The following TECPR2 variants were observed in gnomAD, a reference collection of about 807,000 sequenced individuals.
The protein encoded by TECPR2 is tectonin beta-propeller repeat-containing protein 2.
TECPR2 carries 65 observed loss-of-function variants against 138.1 expected under a neutral mutation model. The ratio of observed to expected loss-of-function variants is 0.47; its 90% CI spans 0.39 to 0.58. The LOEUF (loss-of-function observed/expected upper bound fraction) is 0.58, where lower values mean the gene tolerates loss of function less well. Ranked by LOEUF, TECPR2 falls within the 20% of genes least tolerant of loss-of-function variation. TECPR2 has a pLI of 0.00. For synonymous variants in TECPR2, 746 were observed against 749.8 expected, an observed-to-expected ratio of 0.99 and a Z score of 0.08; for missense variants, 1,553 against 1,824.5, an observed-to-expected ratio of 0.85 and a Z score of 2.71.
Position 102,499,474 on chromosome 14 carries a change from G to T in TECPR2, c.*1217G>T, listed in dbSNP as rs1891387125. 3.8e-6 allele frequency: 2 copies of T among 525,430 alleles called. No individual in the cohort carries two copies. Among genetic ancestry groups the T allele is most frequent in the Non-Finnish European group, 6.9e-6 (2 of 291,400 alleles). 32.5% of individuals were successfully genotyped at this position (525,430 alleles called of 1,614,324 possible). A position where few individuals can be genotyped will look rare whatever the true frequency, so the allele number is the denominator to read the frequency against. The stretch of plus-strand genomic sequence containing the variant: ...CACTGTCCTCGCCTGCAGCCTCAGA[G>T]GGGCAGGCATCCCCGCACAGACTTG... On this transcript the variant is annotated 3_prime_UTR_variant, in exon 20 of 20. Transcript: ENST00000359520.
At chr14:102,432,522 A>G (rs1255890460) in intron 8 of TECPR2, among the ~76,000 whole-genome samples, 1 of 151,982 alleles carries the variant, frequency 6.6e-6, no homozygotes, top group African/African-American at 2.4e-5. Context: ...AGTTCAAGCA[A>G]TTCTCCTGCC....
At chr14:102,440,758 G>A (rs1889807811) in intron 11 of TECPR2, 149 bp downstream of exon 11, 1 of 1,127,972 alleles carries the variant, frequency 8.9e-7, no homozygotes, top group African/African-American at 1.6e-5. Flanking sequence ...GAGAGTATTT[G>A]CCATTTGGCA....
intron 16 of TECPR2, among the ~76,000 whole-genome samples, chr14:102,460,787 C>G (rs913126786): frequency 6.6e-6 from 1 of 151,620 alleles, no homozygotes; most frequent in African/African-American, 2.4e-5. Context: ...CTCCACCTCC[C>G]AGCTTCACGC....
At chr14:102,365,709 C>T (rs1204233025) in intron 1 of TECPR2, among the ~76,000 whole-genome samples, 1 of 152,120 alleles carries the variant, frequency 6.6e-6, no homozygotes, top group Non-Finnish European at 1.5e-5. Flanking sequence ...TTGCCCAGGG[C>T]TGAGAGAAGA....
chr14:102,386,025 A>T (rs1269796230), intron 2 of TECPR2, among the ~76,000 whole-genome samples: 1 of 152,172 alleles, frequency 6.6e-6, no homozygotes, highest in Non-Finnish European at 1.5e-5. Flanking sequence ...AACTTTTTAA[A>T]TCTAAAATAT....
rs2139656429 is a variant in TECPR2 at position 102,376,671 on chromosome 14, CAAAT to C, written c.-47_-44del. 6.4e-7 allele frequency: 1 copy of C among 1,559,274 alleles called. No individual in the cohort carries two copies. Among genetic ancestry groups the C allele is most frequent in the African/African-American group, 1.4e-5 (1 of 73,860 alleles). Reference sequence around the variant, plus strand: ...GTAGCCCCCAGGTTTCCCTAGATGACAAATAAACATTCCTTTTCCTGCGTGAAGA... The same window carrying C: ...GTAGCCCCCAGGTTTCCCTAGATGACAAACATTCCTTTTCCTGCGTGAAGA... On this transcript the variant is annotated 5_prime_UTR_variant, in exon 2 of 20. An upstream open reading frame in the 5' UTR gains an earlier in-frame stop. Transcript: ENST00000359520.
chr14:102,394,772 C>T (rs115398952), intron 2 of TECPR2, among the ~76,000 whole-genome samples: 1,583 of 152,324 alleles, frequency 0.01, 30 homozygotes, highest in African/African-American at 0.036. Flanking sequence ...AAGCTGCTGT[C>T]CTGTTTTCTT....
rs904496072 is a variant in TECPR2 at position 102,434,460 on chromosome 14, A to G, written c.1643A>G (p.Asn548Ser). 5.2e-6 allele frequency: 8 copies of G among 1,545,164 alleles called. No individual in the cohort carries two copies. In the Admixed American group the frequency reaches 1.4e-4, roughly 28 times the overall value. The change falls in exon 9 of 20, where the codon AAT becomes AGT. Residue 548 changes from asparagine (N) to serine (S), a missense_variant. Asn to Ser is a conservative substitution (Grantham distance 46, BLOSUM62 1). Transcript: ENST00000359520. ...GAAAATACTGACCCCGAAACGTTTA[A>G]TGTCCTGGAGGTGTCAGGATCAATG... ...PQENTDPETF[N>S]VLEVSGSMPD...
At chr14:102,404,579 A>ATTT (rs11410430) in intron 2 of TECPR2, among the ~76,000 whole-genome samples, 257 of 145,886 alleles carry the variant, frequency 1.8e-3, no homozygotes, top group African/African-American at 6.1e-3. Flanking sequence ...GTCAAGTGAA[A>ATTT]TTTTTTTTTT....
At chr14:102,406,438 C>T (rs1252143246) in intron 2 of TECPR2, among the ~76,000 whole-genome samples, 2 of 152,044 alleles carry the variant, frequency 1.3e-5, no homozygotes, top group Non-Finnish European at 2.9e-5. Context: ...CCCAGCTACT[C>T]AGTAGGCTGA....
Position 102,450,654 on chromosome 14 carries a change from G to T in TECPR2, c.3406+5G>T. On this transcript the variant is annotated splice_donor_5th_base_variant and intron_variant, in intron 15 of 19. Transcript: ENST00000359520. The stretch of plus-strand genomic sequence containing the variant: ...CTGCAGCTCCCACGAAGGAAGGTGG[G>T]TCAGTCTTAGCCTCACTGAAGAATC... The T allele has an allele frequency of 6.2e-7, 1 of 1,614,090 alleles. No individual in the cohort carries two copies. Among genetic ancestry groups the T allele is most frequent in the Non-Finnish European group, 8.5e-7 (1 of 1,179,962 alleles).
chr14:102,376,526 T>C, intron 1 of TECPR2, 124 bp from the exon 2 acceptor site: 1 of 592,234 alleles, frequency 1.7e-6, no homozygotes. Context: ...GTGTTTACTT[T>C]CCCTGTTTAT....
intron 16 of TECPR2, among the ~76,000 whole-genome samples, chr14:102,459,347 C>T (rs564341153): frequency 1.3e-3 from 201 of 152,298 alleles, no homozygotes; most frequent in Non-Finnish European, 4.9e-4. Flanking sequence ...ATAAAACTGC[C>T]TTCCATGCAA....
chr14:102,393,211 ACTTT>A (rs1888225734), intron 2 of TECPR2, among the ~76,000 whole-genome samples: 1 of 152,090 alleles, frequency 6.6e-6, no homozygotes, highest in East Asian at 1.9e-4. Flanking sequence ...GATTTTCCAT[ACTTT>A]CTTGAAAATT....
In TECPR2 at chr14:102,443,034, T is replaced by C. The variant is rs1889875645; in HGVS notation, c.2753-613T>C. On this transcript the variant is annotated intron_variant, in intron 11 of 19. Transcript: ENST00000359520. The surrounding 1 kb of genome is among the most constrained non-coding windows in gnomAD (Gnocchi z 4.9). ...GAAATTCGGGGTTTCATTTTATTAG[T>C]GGAACCTCGCACCCAGTCAGAGCAG... Among the ~76,000 whole-genome samples, 1 of 152,226 alleles carries C rather than the reference T, an allele frequency of 6.6e-6. No homozygotes were observed. The highest frequency in any genetic ancestry group is 6.5e-5 in the Admixed American group (1 of 15,290).
chr14:102,450,004 C>T (rs1595132638), intron 14 of TECPR2, 135 bp downstream of exon 14: 7 of 1,301,548 alleles, frequency 5.4e-6, no homozygotes, highest in Non-Finnish European at 7.3e-6. Context: ...CTAGTGGAGG[C>T]ACTCTATGCT....
rs1296964237 is a variant in TECPR2, at chr14:102,497,077, C to T, written c.3888C>T (p.Ile1296=). 6.2e-7 allele frequency: 1 copy of T among 1,613,406 alleles called. No individual in the cohort carries two copies. Among genetic ancestry groups the T allele is most frequent in the Non-Finnish European group, 8.5e-7 (1 of 1,180,026 alleles). ...SRWNVHVRTG[I]TEEMPVGTAW... ...GGAACGTGCACGTGCGGACCGGGAT[C>T]ACCGAGGAGATGCCTGTGGGGACCG... The change falls in exon 18 of 20, where the codon ATC becomes ATT. Residue 1296 remains isoleucine (I), a synonymous_variant. Transcript: ENST00000359520.
At chr14:102,370,644 T>C (rs1232335972) in intron 1 of TECPR2, among the ~76,000 whole-genome samples, 1 of 152,182 alleles carries the variant, frequency 6.6e-6, no homozygotes, top group Admixed American at 6.5e-5. Flanking sequence ...ACACTTGGGC[T>C]TTAGCAGGAG....
intron 17 of TECPR2, among the ~76,000 whole-genome samples, chr14:102,477,356 C>T (rs1415238706): frequency 2.0e-5 from 3 of 148,262 alleles, no homozygotes; most frequent in Non-Finnish European, 3.0e-5. Context: ...GGCAACAGAG[C>T]GAGACTCCGT....
Sources: allele counts gnomAD v4.1 joint callset (sites outside exome capture counted in the v4.1 genomes callset), GRCh38; gene constraint gnomAD v4.1.1; non-coding constraint Gnocchi (gnomAD v3.1); transcripts MANE v1.5; gene names NCBI Gene and HGNC (gene_info 2026-07-23, HGNC 2026-07-21).